Variants in ARHGAP6 observed in about 807,000 individuals in gnomAD.
ARHGAP6 encodes the protein rho GTPase-activating protein 6.
In ARHGAP6, 16 loss-of-function variants were observed where a neutral mutation model predicts 55.7. The observed-to-expected ratio is 0.29, with a 90% CI of 0.19 to 0.44. The LOEUF (loss-of-function observed/expected upper bound fraction) is 0.44. Among genes scored for constraint, ARHGAP6 ranks in the 20% least tolerant of loss-of-function variants. The pLI, the probability that ARHGAP6 is intolerant of heterozygous loss-of-function variation, is 1.00. For synonymous variants in ARHGAP6, 382 were observed against 360.9 expected, an observed-to-expected ratio of 1.06 and a Z score of -0.66; for missense variants, 698 against 808.9, an observed-to-expected ratio of 0.86 and a Z score of 1.66.
At chrX:11,608,609 C>T (rs1417955856) in intron 1 of ARHGAP6, among the ~76,000 whole-genome samples, 1 of 111,616 alleles carries the variant, frequency 9.0e-6, no homozygotes, top group African/African-American at 3.3e-5. Flanking sequence ...TCTGTGCCCC[C>T]ACCCAAATCT....
At chrX:11,590,831 G>GAAAAGAAAAGAAAAGAAAAGAAAAA (rs2051804419) in intron 1 of ARHGAP6, among the ~76,000 whole-genome samples, 1 of 30,110 alleles carries the variant, frequency 3.3e-5, no homozygotes, top group Non-Finnish European at 5.3e-5. Flanking sequence ...GAAAAGAAAA[G>GAAAAGAAAAGAAAAGAAAAGAAAAA]AAAAGAAAAG....
intron 1 of ARHGAP6, among the ~76,000 whole-genome samples, chrX:11,287,042 T>C (rs1463748400): frequency 9.0e-6 from 1 of 111,640 alleles, no homozygotes; most frequent in Non-Finnish European, 1.9e-5. Context: ...CACTCAAGTG[T>C]ACCCTTTCAA....
intron 11 of ARHGAP6, chrX:11,142,965 GAAC>G (rs1192381863): frequency 8.9e-6 from 1 of 112,010 alleles, no homozygotes; most frequent in African/African-American, 3.2e-5. Flanking sequence ...AGAACTAGAG[GAAC>G]AATAGAGTTT....
chrX:11,252,044 C>A (rs1171881428), intron 2 of ARHGAP6, among the ~76,000 whole-genome samples: 1 of 112,224 alleles, frequency 8.9e-6, no homozygotes, highest in Admixed American at 9.5e-5. Flanking sequence ...TTCGATAGCA[C>A]AAATCTTTCT....
At chrX:11,623,491 A>C (rs1339809185) in intron 1 of ARHGAP6, among the ~76,000 whole-genome samples, 2 of 109,667 alleles carry the variant, frequency 1.8e-5, no homozygotes, top group African/African-American at 6.6e-5. Flanking sequence ...GGAGATCGAG[A>C]CCATCCTGGC....
rs190789073 is a variant in ARHGAP6 at position 11,447,624 on chromosome X, G to T, written c.589-192917C>A. Among the ~76,000 whole-genome samples, 10 of 112,355 alleles carry T rather than the reference G, an allele frequency of 8.9e-5. No homozygotes were observed. The East Asian group carries it at 2.8e-3, about 31-fold the overall frequency. ...TCTCGGCTTTTTACAGGAACAGTTT[G>T]CTGGCCCCTGCCTTAGATTCCTGGG... On this transcript the variant is annotated intron_variant, in intron 1 of 12. Transcript: ENST00000337414.
chrX:11,169,687 A>G lies in ARHGAP6; in HGVS notation c.1630-3T>C. 8.5e-7 allele frequency: 1 copy of G among 1,174,435 alleles called. No homozygotes were observed. On this transcript the variant is annotated splice_polypyrimidine_tract_variant and splice_region_variant and intron_variant, in intron 8 of 12. Coordinates refer to ENST00000337414, the MANE Select transcript of ARHGAP6 (RefSeq NM_013427.3). ...GATGTCATTTTATTCCCAGTGACCTATAAGAGAACAGAACACAAGGACTGT... is the reference window on the plus strand; with the variant it reads ...GATGTCATTTTATTCCCAGTGACCTGTAAGAGAACAGAACACAAGGACTGT...
intron 2 of ARHGAP6, among the ~76,000 whole-genome samples, chrX:11,200,131 T>C (rs1049622183): frequency 3.6e-5 from 4 of 112,673 alleles, no homozygotes; most frequent in Non-Finnish European, 3.7e-5. Context: ...TTTAAAGAAA[T>C]GCAAGCTCCA....
chrX:11,139,256 G>A lies in ARHGAP6; in HGVS notation c.2532C>T (p.Ser844=), dbSNP rs2045587178. 1 of 1,196,105 alleles carries A rather than the reference G, an allele frequency of 8.4e-7. No individual in the cohort carries two copies. ...CACTCTCGCTGAGGTCGTGGGCGCC[G>A]CTCAGGGTCAAGTACTGCTCCGACC... ...TARSEQYLTL[S]GAHDLSESEL... Residue 844 remains serine (S), a synonymous_variant, in exon 13 of 13, where the codon AGC becomes AGT. Transcript: ENST00000337414.
At chrX:11,364,787 G>T (rs1170265680) in intron 1 of ARHGAP6, among the ~76,000 whole-genome samples, 1 of 111,184 alleles carries the variant, frequency 9.0e-6, no homozygotes, top group Non-Finnish European at 1.9e-5. Flanking sequence ...AGGCAACAGG[G>T]GGCACCCTGT....
chrX:11,359,836 C>T lies in ARHGAP6; in HGVS notation c.589-105129G>A, dbSNP rs771866827. The stretch of plus-strand genomic sequence containing the variant: ...TGATAAAGGGGATATCACCACCGAT[C>T]CCACAGAAATACAAACTACCATCAG... On this transcript the variant is annotated intron_variant, in intron 1 of 12. Coordinates refer to ENST00000337414, the MANE Select transcript of ARHGAP6 (RefSeq NM_013427.3). Among the ~76,000 whole-genome samples, 405 of 111,931 alleles carry T rather than the reference C, an allele frequency of 3.6e-3. 3 individuals carry two copies. Among genetic ancestry groups the T allele is most frequent in the African/African-American group, 0.012 (359 of 30,839 alleles).
chrX:11,664,851 A>G lies in ARHGAP6; in HGVS notation c.-23T>C. 1 of 1,142,776 alleles carries G rather than the reference A, an allele frequency of 8.8e-7. No individual in the cohort carries two copies. The highest frequency in any genetic ancestry group is 1.2e-6 in the Non-Finnish European group (1 of 856,762). 94.2% of individuals were successfully genotyped at this position (1,142,776 alleles called of 1,213,427 possible). On this transcript the variant is annotated 5_prime_UTR_variant, in exon 1 of 13. Coordinates refer to ENST00000337414, the MANE Select transcript of ARHGAP6 (RefSeq NM_013427.3). ...CATCTCGGCGGGGCTGCACCTGAGG[A>G]CCACCTCCTCCTCCCTCCCTGGACG...
Position 11,143,596 on chromosome X carries a change from A to G in ARHGAP6, c.2176+384T>C, listed in dbSNP as rs191519735. On this transcript the variant is annotated intron_variant, in intron 11 of 12. Coordinates refer to ENST00000337414, the MANE Select transcript of ARHGAP6 (RefSeq NM_013427.3). The stretch of plus-strand genomic sequence containing the variant: ...AGTAGGTTCAGCTTGTTTTCTTTAG[A>G]AATGTAACAGCAGTAATTGGGTGGC... 136 of 940,745 alleles carry G rather than the reference A, an allele frequency of 1.4e-4. No individual in the cohort carries two copies. The African/African-American group carries it at 2.7e-3, about 19-fold the overall frequency. 77.5% of individuals were successfully genotyped at this position (940,745 alleles called of 1,213,427 possible). A position where few individuals can be genotyped will look rare whatever the true frequency, so the allele number is the denominator to read the frequency against.
At position 11,523,759 on chromosome X, in the gene ARHGAP6, A is replaced by G. The variant is rs766888607; in HGVS notation, c.588+140482T>C. On this transcript the variant is annotated intron_variant, in intron 1 of 12. Transcript: ENST00000337414. Reference sequence around the variant, plus strand: ...AGTAAGATTGTCCTGTTTCTCCCCAATAACAAAAGTAGAACCAGCAAGTGG... The same window carrying G: ...AGTAAGATTGTCCTGTTTCTCCCCAGTAACAAAAGTAGAACCAGCAAGTGG... Among the ~76,000 whole-genome samples, 5 of 111,317 alleles carry G rather than the reference A, an allele frequency of 4.5e-5. No individual in the cohort carries two copies. In the South Asian group the frequency reaches 1.2e-3, roughly 26 times the overall value.
intron 1 of ARHGAP6, among the ~76,000 whole-genome samples, chrX:11,513,732 C>A (rs68161663): frequency 3.6e-5 from 4 of 110,360 alleles, no homozygotes; most frequent in African/African-American, 6.6e-5. Context: ...TGGAACCATG[C>A]GACAAATTCT....
At chrX:11,483,816 T>C (rs1159591445) in intron 1 of ARHGAP6, among the ~76,000 whole-genome samples, 3 of 111,312 alleles carry the variant, frequency 2.7e-5, no homozygotes, top group Non-Finnish European at 5.7e-5. Flanking sequence ...GCTGTAGGGA[T>C]GGATGTCTCT....
At chrX:11,590,590 G>T (rs768291295) in intron 1 of ARHGAP6, among the ~76,000 whole-genome samples, 1 of 107,032 alleles carries the variant, frequency 9.3e-6, no homozygotes, top group Non-Finnish European at 1.9e-5. Flanking sequence ...GTCAAGACCA[G>T]CCTGGCCAAC....
chrX:11,213,731 CA>C (rs770964070), intron 2 of ARHGAP6, among the ~76,000 whole-genome samples: 66 of 111,704 alleles, frequency 5.9e-4, no homozygotes, highest in Non-Finnish European at 6.8e-4. Flanking sequence ...GAAAGATAGA[CA>C]CTGGAAACTC....
At position 11,658,605 on chromosome X, in the gene ARHGAP6, C is replaced by T. The variant is rs549699888; in HGVS notation, c.588+5636G>A. Among the ~76,000 whole-genome samples the T allele has an allele frequency of 1.7e-4, 18 of 108,567 alleles. No homozygotes were observed. In the East Asian group the frequency reaches 4.0e-3, roughly 24 times the overall value. The allele number at this position is 108,567 out of a possible 115,157, so 94.3% of individuals were successfully genotyped here. ...TCCATCATTATATATTTACCATTCA[C>T]TTCTTCCCTATAGATATATTTAGAA... On this transcript the variant is annotated intron_variant, in intron 1 of 12. Coordinates refer to ENST00000337414, the MANE Select transcript of ARHGAP6 (RefSeq NM_013427.3).
Sources: allele counts gnomAD v4.1 joint callset (sites outside exome capture counted in the v4.1 genomes callset), GRCh38; gene constraint gnomAD v4.1.1; transcripts MANE v1.5; gene names NCBI Gene and HGNC (gene_info 2026-07-23, HGNC 2026-07-21).